The following CSMD1 variants were observed in gnomAD, a reference collection of about 807,000 sequenced individuals.
The protein encoded by CSMD1 is CUB and Sushi multiple domains 1, also known as CUB and sushi domain-containing protein 1.
In CSMD1, 213 loss-of-function variants were observed where a neutral mutation model predicts 417.5. That is an observed-to-expected ratio of 0.51 (90% CI 0.46 to 0.57). CSMD1 has a LOEUF of 0.57. CSMD1 is among the 20% of genes least tolerant of loss of function. The probability of loss-of-function intolerance (pLI) is 0.00; values close to 1 mark genes in which losing one functional copy is unlikely to be tolerated. For synonymous variants in CSMD1, 2,862 were observed against 1,736.8 expected, an observed-to-expected ratio of 1.65 and a Z score of -16.11; for missense variants, 6,923 against 4,529.7, an observed-to-expected ratio of 1.53 and a Z score of -15.17.
intron 1 of CSMD1, among the ~76,000 whole-genome samples, chr8:4,958,345 G>A (rs750809312): frequency 4.6e-5 from 7 of 151,978 alleles, no homozygotes; most frequent in Non-Finnish European, 8.8e-5. Context: ...CAAGTTAAAG[G>A]TGAACATGGT....
At chr8:3,446,963 A>G (rs1443591127) in intron 12 of CSMD1, among the ~76,000 whole-genome samples, 1 of 152,254 alleles carries the variant, frequency 6.6e-6, no homozygotes. Context: ...ACACATAGTG[A>G]CTTGTTAACA....
intron 1 of CSMD1, among the ~76,000 whole-genome samples, chr8:4,788,838 A>T (rs1205174300): frequency 6.6e-6 from 1 of 152,232 alleles, no homozygotes; most frequent in African/African-American, 2.4e-5. Context: ...TTTTAAATTT[A>T]TGACACAGAA....
chr8:3,717,898 A>G (rs1801933545), intron 6 of CSMD1, among the ~76,000 whole-genome samples: 1 of 152,146 alleles, frequency 6.6e-6, no homozygotes, highest in South Asian at 2.1e-4. Context: ...GTTTCCAAGA[A>G]TAATTTGCTA....
rs980500336 is a variant in CSMD1 at position 4,054,500 on chromosome 8, G to C, written c.416-22401C>G. Among the ~76,000 whole-genome samples the C allele has an allele frequency of 7.2e-5, 11 of 151,990 alleles. No homozygotes were observed. In the East Asian group the frequency reaches 2.1e-3, roughly 29 times the overall value. On this transcript the variant is annotated intron_variant, in intron 3 of 69. Coordinates refer to ENST00000635120, the MANE Select transcript of CSMD1 (RefSeq NM_033225.6). ...GCATTTTGGAAGCTTTTGTCATGTCGGTTTCGTCTACACCCTACCTCATCC... is the reference window on the plus strand; with the variant it reads ...GCATTTTGGAAGCTTTTGTCATGTCCGTTTCGTCTACACCCTACCTCATCC...
At chr8:3,543,760 T>C (rs766487080) in intron 10 of CSMD1, among the ~76,000 whole-genome samples, 1 of 152,154 alleles carries the variant, frequency 6.6e-6, no homozygotes, top group Admixed American at 6.5e-5. Context: ...GGACACTTAG[T>C]GGAGATGTCA....
At chr8:3,329,117 G>C (rs959504524) in intron 23 of CSMD1, among the ~76,000 whole-genome samples, 1 of 152,158 alleles carries the variant, frequency 6.6e-6, no homozygotes, top group Non-Finnish European at 1.5e-5. Flanking sequence ...TGTTGGCATA[G>C]AATGGAGGTG....
chr8:3,555,958 C>G (rs1695418658), intron 10 of CSMD1, among the ~76,000 whole-genome samples: 1 of 152,022 alleles, frequency 6.6e-6, no homozygotes, highest in South Asian at 2.1e-4. Context: ...TCTGGTTCTC[C>G]CAATGTTAAA....
chr8:4,435,286 C>G (rs979189256), intron 2 of CSMD1, among the ~76,000 whole-genome samples: 2 of 152,104 alleles, frequency 1.3e-5, no homozygotes, highest in East Asian at 3.9e-4. Context: ...CTACTGTTCA[C>G]AAATGATTGT....
chr8:3,585,663 G>T (rs972995438), intron 9 of CSMD1, among the ~76,000 whole-genome samples: 6 of 152,162 alleles, frequency 3.9e-5, no homozygotes, highest in African/African-American at 9.7e-5. Flanking sequence ...CTATGTTAGA[G>T]ATTAAAGATC....
At chr8:4,585,298 T>A (rs968203089) in intron 2 of CSMD1, among the ~76,000 whole-genome samples, 1 of 152,050 alleles carries the variant, frequency 6.6e-6, no homozygotes, top group African/African-American at 2.4e-5. Context: ...TCCCAGAAAT[T>A]AAAAATTAAG....
At chr8:4,587,123 C>T (rs536153399) in intron 2 of CSMD1, among the ~76,000 whole-genome samples, 5 of 152,200 alleles carry the variant, frequency 3.3e-5, no homozygotes, top group Admixed American at 2.0e-4. Context: ...AGATTAGGTG[C>T]GCTCTCTTCT....
chr8:4,275,925 C>T (rs981266072), intron 3 of CSMD1, among the ~76,000 whole-genome samples: 1 of 152,146 alleles, frequency 6.6e-6, no homozygotes, highest in Non-Finnish European at 1.5e-5. Context: ...TTAAATGATA[C>T]TTTGTGTAAA....
intron 23 of CSMD1, among the ~76,000 whole-genome samples, chr8:3,334,702 C>A (rs1318023827): frequency 1.3e-5 from 2 of 152,236 alleles, no homozygotes; most frequent in Admixed American, 1.3e-4. Context: ...GTGCAAACGG[C>A]TGCAAATGGA....
At chr8:4,045,585 A>G (rs772385175) in intron 3 of CSMD1, among the ~76,000 whole-genome samples, 2 of 152,180 alleles carry the variant, frequency 1.3e-5, no homozygotes, top group Non-Finnish European at 2.9e-5. Flanking sequence ...TTTAGAATGA[A>G]AGAAACTCAA....
At chr8:3,792,471 TTG>T (rs2129068181) in intron 5 of CSMD1, among the ~76,000 whole-genome samples, 1 of 152,260 alleles carries the variant, frequency 6.6e-6, no homozygotes, top group Admixed American at 6.5e-5. Flanking sequence ...AGCTTACTTT[TTG>T]CCTTAAATGC....
chr8:4,964,501 C>CAAAAAAAAA (rs768264857), intron 1 of CSMD1, among the ~76,000 whole-genome samples: 5 of 81,050 alleles, frequency 6.2e-5, no homozygotes, highest in Admixed American at 3.2e-4. Context: ...GACCCTGTCT[C>CAAAAAAAAA]CAAAAAAAAA....
chr8:3,680,344 A>G (rs890142120), intron 7 of CSMD1, among the ~76,000 whole-genome samples: 5 of 152,248 alleles, frequency 3.3e-5, no homozygotes, highest in Non-Finnish European at 7.3e-5. Context: ...ATAAAAAATG[A>G]CAAAGGGTAT....
chr8:4,484,341 T>C (rs1006200177), intron 2 of CSMD1, among the ~76,000 whole-genome samples: 7 of 152,170 alleles, frequency 4.6e-5, no homozygotes, highest in African/African-American at 1.7e-4. Context: ...AATTTTAACA[T>C]TGAGAGAAAG....
At chr8:3,924,592 T>C (rs1022979152) in intron 5 of CSMD1, among the ~76,000 whole-genome samples, 1 of 152,198 alleles carries the variant, frequency 6.6e-6, no homozygotes, top group African/African-American at 2.4e-5. Flanking sequence ...TAATTTTAAA[T>C]GATCTGTCTT....
Sources: gnomAD v4.1 joint callset for allele counts (sites outside exome capture counted in the v4.1 genomes callset) on GRCh38, gnomAD v4.1.1 for gene constraint, MANE v1.5 for transcripts, NCBI Gene and HGNC (gene_info 2026-07-23, HGNC 2026-07-21) for gene names.